RFX2: variants seen among roughly 807,000 people sequenced by gnomAD.
The protein encoded by RFX2 is DNA-binding protein RFX2.
RFX2 carries 20 observed loss-of-function variants against 87.8 expected under a neutral mutation model. The ratio of observed to expected loss-of-function variants is 0.23; its 90% confidence interval spans 0.16 to 0.33. RFX2 has a LOEUF of 0.33. Ranked by LOEUF, RFX2 falls within the 10% of genes least tolerant of loss-of-function variation. The probability of loss-of-function intolerance (pLI) is 1.00; values close to 1 mark genes in which losing one functional copy is unlikely to be tolerated. For synonymous variants in RFX2, 397 were observed against 431.3 expected (o/e 0.92, Z 0.98); for missense variants, 767 against 1,012.3 (o/e 0.76, Z 3.29).
intron 6 of RFX2, among the ~76,000 whole-genome samples, chr19:6,025,220 C>T (rs572190377): frequency 2.9e-4 from 44 of 152,262 alleles, no homozygotes; most frequent in African/African-American, 9.9e-4. Flanking sequence ...TCTGTTGTCC[C>T]TGGAAATAAA....
In RFX2 at chr19:6,042,150, C is replaced by T. The variant is rs139781953; in HGVS notation, c.181-27G>A. 3.0e-4 allele frequency: 480 copies of T among 1,601,130 alleles called. 2 individuals are homozygous for T. The African/African-American group carries it at 5.8e-3, about 19-fold the overall frequency. On this transcript the variant is annotated intron_variant, in intron 3 of 17. Coordinates refer to ENST00000303657, the MANE Select transcript of RFX2 (RefSeq NM_000635.4). ...TGAAACATCGGATACGCTGCGTTACCGCCAGTCACGCCCTCGTGAGTTGCC... is the reference window on the plus strand; with the variant it reads ...TGAAACATCGGATACGCTGCGTTACTGCCAGTCACGCCCTCGTGAGTTGCC...
At chr19:6,095,679 G>A (rs967076266) in intron 1 of RFX2, among the ~76,000 whole-genome samples, 4 of 151,986 alleles carry the variant, frequency 2.6e-5, no homozygotes, top group African/African-American at 9.7e-5. Context: ...AATAAAGGGG[G>A]AAATAGGATG....
rs1468859550 is a variant in RFX2 at position 6,012,603 on chromosome 19, G to A, written c.899+383C>T. On this transcript the variant is annotated intron_variant, in intron 8 of 17. Transcript: ENST00000303657. The surrounding 1 kb of genome is among the most constrained non-coding windows in gnomAD (Gnocchi z 4.6). The stretch of plus-strand genomic sequence containing the variant: ...TGATGCTGGCTCCGCGGAGGGTCAC[G>A]GGTCATGAGCAATGCACCGCTGTGT... Among the ~76,000 whole-genome samples, 3 of 152,064 alleles carry A rather than the reference G, an allele frequency of 2.0e-5. No individual in the cohort carries two copies. Among genetic ancestry groups the A allele is most frequent in the Non-Finnish European group, 2.9e-5 (2 of 68,004 alleles).
chr19:6,094,274 CG>C (rs1437208607), intron 1 of RFX2, among the ~76,000 whole-genome samples: 2 of 151,096 alleles, frequency 1.3e-5, no homozygotes, highest in Admixed American at 6.6e-5. Context: ...ATGATGAAAA[CG>C]TAAGACTTTT....
rs1443479811 is a variant in RFX2 at position 6,056,749 on chromosome 19, C to T, written c.-8-9245G>A. Reference sequence around the variant, plus strand: ...GACTGCCCTGCCGTCCTTGCTTTCTCGCGTTCCTTTGTCCTCTCTTCTGTT... The same window carrying T: ...GACTGCCCTGCCGTCCTTGCTTTCTTGCGTTCCTTTGTCCTCTCTTCTGTT... On this transcript the variant is annotated intron_variant, in intron 1 of 17. Transcript: ENST00000303657. This position sits in a 1 kb window ranked among gnomAD's most constrained non-coding sequence, Gnocchi z 4.6. Among the ~76,000 whole-genome samples the T allele has an allele frequency of 6.6e-6, 1 of 152,218 alleles. No individual in the cohort carries two copies. Among genetic ancestry groups the T allele is most frequent in the Non-Finnish European group, 1.5e-5 (1 of 68,040 alleles).
intron 1 of RFX2, among the ~76,000 whole-genome samples, chr19:6,107,291 G>A (rs1191862688): frequency 6.6e-6 from 1 of 151,074 alleles, no homozygotes; most frequent in Non-Finnish European, 1.5e-5. Flanking sequence ...GCAAGACTCT[G>A]TCTCAAACAA....
In RFX2 at chr19:6,040,829, T is replaced by C. The variant is rs1473278994; in HGVS notation, c.261-588A>G. Among the ~76,000 whole-genome samples the C allele has an allele frequency of 6.6e-6, 1 of 152,184 alleles. No homozygotes were observed. The highest frequency in any genetic ancestry group is 1.9e-4 in the East Asian group (1 of 5,200). ...AATGGGTCACATGAGGGAGCTCCTG[T>C]GTGGAGATGGAGCAGTTCTGTATCT... On this transcript the variant is annotated intron_variant, in intron 4 of 17. Transcript: ENST00000303657. The surrounding 1 kb of genome is among the most constrained non-coding windows in gnomAD (Gnocchi z 6.1).
rs1190262415 is a variant in RFX2 at position 6,002,889 on chromosome 19, G to A, written c.1501-19C>T. 1.9e-6 allele frequency: 3 copies of A among 1,593,794 alleles called. No homozygotes were observed. Among genetic ancestry groups the A allele is most frequent in the African/African-American group, 1.3e-5 (1 of 74,932 alleles). On this transcript the variant is annotated intron_variant, in intron 13 of 17. Coordinates refer to ENST00000303657, the MANE Select transcript of RFX2 (RefSeq NM_000635.4). This position sits in a 1 kb window ranked among gnomAD's most constrained non-coding sequence, Gnocchi z 6.7. The stretch of plus-strand genomic sequence containing the variant: ...CGCCCACCTGTAAGCCAGGGCTCGT[G>A]GTGAGCAGGGGTTCGCAGGGAGAGC...
rs1046271576 is a variant in RFX2 at position 6,039,123 on chromosome 19, T to C, written c.522+857A>G. On this transcript the variant is annotated intron_variant, in intron 5 of 17. Transcript: ENST00000303657. This position sits in a 1 kb window ranked among gnomAD's most constrained non-coding sequence, Gnocchi z 5.2. ...AAACTGTAGTGTAATAGAATATTAC[T>C]CAGTAACAAAAAAAAGCAACTCGGA... Among the ~76,000 whole-genome samples, 1 of 152,122 alleles carries C rather than the reference T, an allele frequency of 6.6e-6. No homozygotes were observed. The highest frequency in any genetic ancestry group is 1.5e-5 in the Non-Finnish European group (1 of 68,024).
chr19:6,002,160 C>T lies in RFX2; in HGVS notation c.1651-137G>A. ...GCCCTTGACCTTGACAGCTGCAAGC[C>T]AAGTCCTGTGTCTCCCGTCACAGGG... On this transcript the variant is annotated intron_variant, in intron 14 of 17. Transcript: ENST00000303657. The surrounding 1 kb of genome is among the most constrained non-coding windows in gnomAD (Gnocchi z 6.7). 1 of 721,032 alleles carries T rather than the reference C, an allele frequency of 1.4e-6. No homozygotes were observed. Among genetic ancestry groups the T allele is most frequent in the Middle Eastern group, 4.0e-4 (1 of 2,482 alleles). The allele number at this position is 721,032 out of a possible 1,614,324, so 44.7% of individuals were successfully genotyped here. A position where few individuals can be genotyped will look rare whatever the true frequency, so the allele number is the denominator to read the frequency against.
At chr19:6,055,608 G>C (rs993939957) in intron 1 of RFX2, among the ~76,000 whole-genome samples, 1 of 152,140 alleles carries the variant, frequency 6.6e-6, no homozygotes, top group African/African-American at 2.4e-5. Context: ...ATTTTGGGTA[G>C]AGACAGGGTT....
chr19:6,047,478 C>G lies in RFX2; in HGVS notation c.19G>C (p.Gly7Arg), dbSNP rs1395896990. 3.1e-6 allele frequency: 5 copies of G among 1,608,536 alleles called. No individual in the cohort carries two copies. The highest frequency in any genetic ancestry group is 1.3e-5 in the African/African-American group (1 of 74,850). Residue 7 changes from glycine (G) to arginine (R), a missense_variant, in exon 2 of 18, where the codon GGA (glycine) becomes CGA (arginine). This residue lies in a region of RFX2 where 146 missense variants were observed against 139.2 expected (regional missense o/e 1.05). Coordinates refer to ENST00000303657, the MANE Select transcript of RFX2 (RefSeq NM_000635.4). The surrounding 1 kb of genome is among the most constrained non-coding windows in gnomAD (Gnocchi z 4.2). ...GCCACGGACGCTGGCGAATCCGCTCCACCCTCGGAATTCTGCATGCTCAGG... is the reference window on the plus strand; with the variant it reads ...GCCACGGACGCTGGCGAATCCGCTCGACCCTCGGAATTCTGCATGCTCAGG... MQNSEG[G>R]ADSPASVALR...
Position 6,025,862 on chromosome 19 carries a change from T to G in RFX2, c.597+301A>C, listed in dbSNP as rs189448766. Among the ~76,000 whole-genome samples the G allele has an allele frequency of 6.7e-5, 10 of 149,978 alleles. 1 individual carries two copies. Among genetic ancestry groups the G allele is most frequent in the African/African-American group, 2.5e-4 (10 of 40,610 alleles). On this transcript the variant is annotated intron_variant, in intron 6 of 17. Coordinates refer to ENST00000303657, the MANE Select transcript of RFX2 (RefSeq NM_000635.4). ...CTGCAGTGGCGTGATCTCGGCTCAC[T>G]GCAACCTCTGCCTCCCGGGTTCAAG...
rs147709279 is a variant in RFX2 at position 6,071,462 on chromosome 19, C to T, written c.-8-23958G>A. ...GAAAATCAAGCCAAGTCAGAGATCC[C>T]CTCAGCAAGACCCAGGGATCTCTGA... is the stretch of plus-strand genomic sequence containing the variant. On this transcript the variant is annotated intron_variant, in intron 1 of 17. Transcript: ENST00000303657. Among the ~76,000 whole-genome samples the T allele has an allele frequency of 6.6e-5, 10 of 152,266 alleles. No homozygotes were observed. In the East Asian group the frequency reaches 1.9e-3, roughly 29 times the overall value.
intron 1 of RFX2, among the ~76,000 whole-genome samples, chr19:6,080,381 C>A (rs2087762872): frequency 6.6e-6 from 1 of 152,144 alleles, no homozygotes; most frequent in African/African-American, 2.4e-5. Context: ...AGCCACGACA[C>A]CCAGCCTGAG....
Position 6,004,815 on chromosome 19 carries a change from C to T in RFX2, c.1403-517G>A, listed in dbSNP as rs564187042. On this transcript the variant is annotated intron_variant, in intron 12 of 17. Transcript: ENST00000303657. This position sits in a 1 kb window ranked among gnomAD's most constrained non-coding sequence, Gnocchi z 4.8. ...ATCAGACTGTTAAAAAAAAAAAAAA[C>T]CAAAAAACAAAAACAGAAAAAGGCC... Among the ~76,000 whole-genome samples, 117 of 149,550 alleles carry T rather than the reference C, an allele frequency of 7.8e-4. No homozygotes were observed. The highest frequency in any genetic ancestry group is 2.8e-3 in the African/African-American group (114 of 40,718).
intron 5 of RFX2, among the ~76,000 whole-genome samples, chr19:6,036,049 C>T (rs2087018743): frequency 6.6e-6 from 1 of 152,208 alleles, no homozygotes; most frequent in Non-Finnish European, 1.5e-5. Flanking sequence ...ATGATTGTTT[C>T]TCAGTAAATT....
In RFX2 at chr19:6,001,982, C is replaced by T. The variant is rs373321319; in HGVS notation, c.1692G>A (p.Val564=). ...GCTTGAAATCCTGCTCCAGCCGCTG[C>T]ACCACACTCTCCTCGCACTGGCACA... ...SWVCQCEESV[V]QRLEQDFKLT... The change falls in exon 15 of 18, where the codon GTG becomes GTA. Residue 564 remains valine (V), a synonymous_variant. Coordinates refer to ENST00000303657, the MANE Select transcript of RFX2 (RefSeq NM_000635.4). This position sits in a 1 kb window ranked among gnomAD's most constrained non-coding sequence, Gnocchi z 5.6. The T allele has an allele frequency of 6.8e-6, 11 of 1,611,740 alleles. No individual in the cohort carries two copies. Among genetic ancestry groups the T allele is most frequent in the Admixed American group, 1.7e-5 (1 of 59,992 alleles).
intron 1 of RFX2, among the ~76,000 whole-genome samples, chr19:6,089,071 C>T (rs78697767): frequency 5.6e-4 from 85 of 152,326 alleles, no homozygotes; most frequent in African/African-American, 2.0e-3. Context: ...ATTCTTAGTT[C>T]ATGGGCTGTA....
Sources: gnomAD v4.1 joint callset for allele counts (sites outside exome capture counted in the v4.1 genomes callset) on GRCh38, gnomAD v4.1.1 for gene constraint, gnomAD v4.1.1 regional missense constraint, Gnocchi (gnomAD v3.1) non-coding constraint, MANE v1.5 for transcripts, NCBI Gene and HGNC (gene_info 2026-07-23, HGNC 2026-07-21) for gene names.